The following CDK5RAP2 variants were observed in gnomAD, a reference collection of about 807,000 sequenced individuals.
CDK5RAP2 encodes the protein CDK5 regulatory subunit-associated protein 2.
A neutral mutation model predicts 232.9 loss-of-function variants in CDK5RAP2; 147 were observed. That is an observed-to-expected ratio of 0.63 (90% CI 0.55 to 0.72). The LOEUF is 0.72. Ranked by LOEUF, CDK5RAP2 falls within the 30% of genes least tolerant of loss-of-function variation. The pLI is 0.00. For synonymous variants in CDK5RAP2, 833 were observed against 833.7 expected (o/e 1.00, Z 0.01); for missense variants, 2,195 against 2,231.5 (o/e 0.98, Z 0.33).
At chr9:120,560,975 T>C (rs1433660624) in intron 3 of CDK5RAP2, among the ~76,000 whole-genome samples, 1 of 152,038 alleles carries the variant, frequency 6.6e-6, no homozygotes, top group East Asian at 1.9e-4. Flanking sequence ...AAAGCCTTTT[T>C]TAAAAAGGAA....
At position 120,497,230 on chromosome 9, in the gene CDK5RAP2, A is replaced by G. The variant is rs1490837777; in HGVS notation, c.1312-5753T>C. Among the ~76,000 whole-genome samples the G allele has an allele frequency of 1.5e-5, 2 of 131,854 alleles. 1 individual carries two copies. Among genetic ancestry groups the G allele is most frequent in the African/African-American group, 7.0e-5 (2 of 28,492 alleles). 86.5% of individuals were successfully genotyped at this position (131,854 alleles called of 152,430 possible). A position where few individuals can be genotyped will look rare whatever the true frequency, so the allele number is the denominator to read the frequency against. ...GAAGGCAGCATGCTCGTTAAGAGTCACCACCACTCCCTAATCTCAAGTAAT... is the reference window on the plus strand; with the variant it reads ...GAAGGCAGCATGCTCGTTAAGAGTCGCCACCACTCCCTAATCTCAAGTAAT... On this transcript the variant is annotated intron_variant, in intron 12 of 37. Coordinates refer to ENST00000349780, the MANE Select transcript of CDK5RAP2 (RefSeq NM_018249.6).
At chr9:120,413,726 G>T (rs1187059694) in intron 28 of CDK5RAP2, among the ~76,000 whole-genome samples, 1 of 151,832 alleles carries the variant, frequency 6.6e-6, no homozygotes, top group East Asian at 1.9e-4. Flanking sequence ...TTTCTTTCCT[G>T]TGTTTGATAC....
Position 120,447,986 on chromosome 9 carries a change from A to T in CDK5RAP2, c.2934T>A (p.Phe978Leu), listed in dbSNP as rs763802107. 2 of 1,614,098 alleles carry T rather than the reference A, an allele frequency of 1.2e-6. No homozygotes were observed. Among genetic ancestry groups the T allele is most frequent in the African/African-American group, 1.3e-5 (1 of 75,020 alleles). The change falls in exon 22 of 38, where the codon TTT becomes TTA. Residue 978 changes from phenylalanine (F) to leucine (L), a missense_variant. By Grantham distance (22) the Phe-to-Leu change is conservative. Coordinates refer to ENST00000349780, the MANE Select transcript of CDK5RAP2 (RefSeq NM_018249.6). Reference sequence around the variant, plus strand: ...GGTGAAGTTGCTTATTACAAGTTTTAAACTCCTTCAGCTCCCCCTGCAGCT... The same window carrying T: ...GGTGAAGTTGCTTATTACAAGTTTTTAACTCCTTCAGCTCCCCCTGCAGCT... ...ILELQGELKE[F>L]KTCNKQLHQK... is the part of the protein sequence containing the mutation.
chr9:120,404,797 G>A (rs1328242060), intron 32 of CDK5RAP2, among the ~76,000 whole-genome samples: 1 of 152,200 alleles, frequency 6.6e-6, no homozygotes, highest in Non-Finnish European at 1.5e-5. Flanking sequence ...GATCTGGGGG[G>A]TGATGTATTT....
rs766759076 is a variant in CDK5RAP2, at chr9:120,389,277, C to G, written c.5641G>C (p.Ala1881Pro). The change falls in exon 38 of 38, where the codon GCC becomes CCC. Residue 1881 changes from alanine (A) to proline (P), a missense_variant. Transcript: ENST00000349780. ...CTGGGACTGCATGTTCCTGGATGGG[C>G]TCCCCCAGGCCTAAGCTAGGAAAAG... ...RGNLELRPGG[A>P]HPGTCSPSRP... is the part of the protein sequence containing the mutation. 12 of 1,612,358 alleles carry G rather than the reference C, an allele frequency of 7.4e-6. No homozygotes were observed. The highest frequency in any genetic ancestry group is 1.1e-5 in the South Asian group (1 of 90,696).
chr9:120,497,580 A>ACCCAGAAGATTCC (rs1473067498), intron 12 of CDK5RAP2, among the ~76,000 whole-genome samples: 1 of 152,136 alleles, frequency 6.6e-6, no homozygotes, highest in Non-Finnish European at 1.5e-5. Flanking sequence ...TAGTGAAGAA[A>ACCCAGAAGATTCC]CCCAGAAGAT....
At chr9:120,511,046 AG>A (rs1182432324) in intron 12 of CDK5RAP2, among the ~76,000 whole-genome samples, 1 of 152,246 alleles carries the variant, frequency 6.6e-6, no homozygotes, top group Non-Finnish European at 1.5e-5. Context: ...ACAAACATGG[AG>A]AACTGACTCT....
At chr9:120,434,617 T>C (rs1463090650) in intron 25 of CDK5RAP2, among the ~76,000 whole-genome samples, 1 of 151,740 alleles carries the variant, frequency 6.6e-6, no homozygotes, top group African/African-American at 2.4e-5. Flanking sequence ...GCAGCAATAA[T>C]TGGTGGTGAG....
intron 12 of CDK5RAP2, among the ~76,000 whole-genome samples, chr9:120,515,513 C>G (rs2040292757): frequency 6.6e-6 from 1 of 152,214 alleles, no homozygotes; most frequent in Non-Finnish European, 1.5e-5. Flanking sequence ...GTATCTAAAC[C>G]AGATACATTT....
chr9:120,497,443 A>AAAAAAAAAAAAAAAAAAT, intron 12 of CDK5RAP2, among the ~76,000 whole-genome samples: 1 of 88,878 alleles, frequency 1.1e-5, no homozygotes, highest in Non-Finnish European at 2.0e-5. Flanking sequence ...AAAAAAAAAA[A>AAAAAAAAAAAAAAAAAAT]AAAAAAAAAA....
intron 15 of CDK5RAP2, among the ~76,000 whole-genome samples, chr9:120,474,194 C>T (rs936338772): frequency 1.3e-5 from 2 of 152,142 alleles, no homozygotes; most frequent in Non-Finnish European, 2.9e-5. Flanking sequence ...AGGACAGGGG[C>T]TAACACATAT....
rs531629931 is a variant in CDK5RAP2 at position 120,408,961 on chromosome 9, G to A, written c.4604+166C>T. 6.3e-4 allele frequency among the ~76,000 whole-genome samples: 96 copies of A among 152,358 alleles called. 1 individual carries two copies. Among genetic ancestry groups the A allele is most frequent in the African/African-American group, 2.0e-3 (85 of 41,584 alleles). On this transcript the variant is annotated intron_variant, in intron 30 of 37. Coordinates refer to ENST00000349780, the MANE Select transcript of CDK5RAP2 (RefSeq NM_018249.6). ...ACTGCCAAGCCCTCTCCTCCTTACA[G>A]GATCTTTCTCCATATGTTGTAGGCG... is the stretch of plus-strand genomic sequence containing the variant.
intron 12 of CDK5RAP2, among the ~76,000 whole-genome samples, chr9:120,497,548 A>G (rs1386609320): frequency 6.6e-6 from 1 of 151,924 alleles, no homozygotes; most frequent in Non-Finnish European, 1.5e-5. Context: ...TTAATTATAA[A>G]GGGAATAAAA....
chr9:120,464,388 G>C (rs1301629635), intron 18 of CDK5RAP2, among the ~76,000 whole-genome samples: 1 of 152,166 alleles, frequency 6.6e-6, no homozygotes, highest in Non-Finnish European at 1.5e-5. Flanking sequence ...TTACATCCTA[G>C]ACAGGGCGGG....
intron 24 of CDK5RAP2, among the ~76,000 whole-genome samples, chr9:120,438,202 C>T (rs901812751): frequency 6.6e-6 from 1 of 152,194 alleles, no homozygotes; most frequent in Non-Finnish European, 1.5e-5. Context: ...CCTTTTCCTA[C>T]GTGAGCCCAT....
chr9:120,494,531 AAAAT>A (rs1237323149), intron 12 of CDK5RAP2, among the ~76,000 whole-genome samples: 2 of 152,240 alleles, frequency 1.3e-5, no homozygotes, highest in Non-Finnish European at 2.9e-5. Flanking sequence ...TCTGAACAAT[AAAAT>A]AAATAATGAT....
chr9:120,507,952 T>A (rs1476835198), intron 12 of CDK5RAP2, among the ~76,000 whole-genome samples: 3 of 124,748 alleles, frequency 2.4e-5, no homozygotes, highest in East Asian at 2.2e-4. Context: ...AATATATATA[T>A]ATATATATAT....
intron 27 of CDK5RAP2, 111 bp downstream of exon 27, chr9:120,419,677 T>C: frequency 4.6e-6 from 4 of 860,352 alleles, no homozygotes; most frequent in Non-Finnish European, 8.0e-6. Context: ...TGGGATCTCC[T>C]TTCATCAGAG....
intron 1 of CDK5RAP2, among the ~76,000 whole-genome samples, chr9:120,578,443 C>T (rs955624945): frequency 1.3e-5 from 2 of 152,084 alleles, no homozygotes; most frequent in Non-Finnish European, 2.9e-5. Context: ...AACTGCAAAG[C>T]ATCTTAGTCT....
Sources: gnomAD v4.1 joint callset for allele counts (sites outside exome capture counted in the v4.1 genomes callset) on GRCh38, gnomAD v4.1.1 for gene constraint, MANE v1.5 for transcripts, NCBI Gene and HGNC (gene_info 2026-07-23, HGNC 2026-07-21) for gene names.